Variants in DHRSX observed in about 807,000 individuals in gnomAD.
DHRSX encodes dehydrogenase/reductase X-linked, also known as polyprenol dehydrogenase.
DHRSX carries 31 observed loss-of-function variants against 34.0 expected under a neutral mutation model. That is an observed-to-expected ratio of 0.91 (90% CI 0.69 to 1.23). The LOEUF (loss-of-function observed/expected upper bound fraction) is 1.23. Ranked by LOEUF, DHRSX falls within the 50% of genes most tolerant of loss-of-function variation. The pLI, the probability that DHRSX is intolerant of heterozygous loss-of-function variation, is 0.00. For missense variants in DHRSX, 414 were observed against 428.1 expected (o/e 0.97, Z 0.29); for synonymous variants, 201 against 183.8 (o/e 1.09, Z -0.76).
intron 3 of DHRSX, among the ~76,000 whole-genome samples, chrX:2,309,846 G>A (rs1204938210): frequency 6.6e-6 from 1 of 152,160 alleles, no homozygotes; most frequent in East Asian, 1.9e-4. Context: ...ATAGGAGGTT[G>A]AGGCTGCAGT....
intron 3 of DHRSX, among the ~76,000 whole-genome samples, chrX:2,324,888 C>T (rs1469400924): frequency 1.3e-5 from 2 of 150,884 alleles, no homozygotes; most frequent in South Asian, 2.1e-4. Flanking sequence ...CCTGCCTCAG[C>T]CTCCTAAGTA....
At chrX:2,481,795 G>A (rs1432880440) in intron 1 of DHRSX, among the ~76,000 whole-genome samples, 1 of 150,044 alleles carries the variant, frequency 6.7e-6, no homozygotes, top group African/African-American at 2.5e-5. Flanking sequence ...TGCTCAGGAG[G>A]GTTGGTGAGA....
In DHRSX at chrX:2,328,627, A is replaced by G. The variant is rs768019969; in HGVS notation, c.287-37024T>C. The stretch of plus-strand genomic sequence containing the variant: ...AGGACACAGGGAGAAGACGGTGTCT[A>G]CAAGCCCAGCAGAGAGGCCTCAGGA... On this transcript the variant is annotated intron_variant, in intron 3 of 6. Transcript: ENST00000334651. Among the ~76,000 whole-genome samples, 325 of 149,098 alleles carry G rather than the reference A, an allele frequency of 2.2e-3. 2 individuals carry two copies. The highest frequency in any genetic ancestry group is 7.3e-3 in the African/African-American group (293 of 40,392).
chrX:2,324,057 G>GAAAAAAAAAAAAA (rs755736026), intron 3 of DHRSX, among the ~76,000 whole-genome samples: 1 of 143,004 alleles, frequency 7.0e-6, no homozygotes. Context: ...ACCCTGTCTG[G>GAAAAAAAAAAAAA]AAAAAAAAAA....
intron 5 of DHRSX, among the ~76,000 whole-genome samples, chrX:2,253,440 C>G (rs113253384): frequency 7.7e-5 from 6 of 77,484 alleles, no homozygotes; most frequent in African/African-American, 3.2e-4. Context: ...CAAGATGTCG[C>G]GGCCGCACTG....
In DHRSX at chrX:2,243,074, C is replaced by T. The variant is rs1287538034; in HGVS notation, c.753G>A (p.Val251=). The T allele has an allele frequency of 1.2e-6, 2 of 1,613,882 alleles. No homozygotes were observed. The highest frequency in any genetic ancestry group is 1.7e-6 in the Non-Finnish European group (2 of 1,179,836). The change falls in exon 6 of 7, where the codon GTG becomes GTA. Residue 251 remains valine, a synonymous_variant. Coordinates refer to ENST00000334651, the MANE Select transcript of DHRSX (RefSeq NM_145177.3). ...GVVNTDVYKH[V]FWATRLAKKL... ...TCTTCGCCAGACGGGTGGCCCAGAACACGTGCTTGTAGACGTCCGTGTTGA... is the reference window on the plus strand; with the variant it reads ...TCTTCGCCAGACGGGTGGCCCAGAATACGTGCTTGTAGACGTCCGTGTTGA...
chrX:2,458,081 G>C (rs186830495), intron 1 of DHRSX, among the ~76,000 whole-genome samples: 1 of 152,056 alleles, frequency 6.6e-6, no homozygotes, highest in African/African-American at 2.4e-5. Flanking sequence ...ACTAGGGACT[G>C]CCACCGTGTA....
chrX:2,476,254 C>T (rs183471321), intron 1 of DHRSX, among the ~76,000 whole-genome samples: 125 of 152,114 alleles, frequency 8.2e-4, no homozygotes, highest in African/African-American at 2.8e-3. Flanking sequence ...AAAAATTAGC[C>T]AGGCATGGTG....
At chrX:2,222,554 T>C (rs73626154) in intron 6 of DHRSX, among the ~76,000 whole-genome samples, 5,027 of 152,314 alleles carry the variant, frequency 0.033, 299 homozygotes, top group African/African-American at 0.11. Context: ...CTGGGAGTGA[T>C]GATCCATTTG....
At chrX:2,357,700 T>TAAAAAAAA (rs781233833) in intron 3 of DHRSX, among the ~76,000 whole-genome samples, 1 of 125,166 alleles carries the variant, frequency 8.0e-6, no homozygotes, top group Non-Finnish European at 1.7e-5. Flanking sequence ...CTCAGGAAAT[T>TAAAAAAAA]AAAAAAAAAA....
chrX:2,330,866 TAGA>T (rs1237425328), intron 3 of DHRSX, among the ~76,000 whole-genome samples: 2 of 151,894 alleles, frequency 1.3e-5, no homozygotes, highest in South Asian at 4.2e-4. Context: ...GAGGCCTCAG[TAGA>T]AGAAAAGAGA....
intron 3 of DHRSX, among the ~76,000 whole-genome samples, chrX:2,304,314 T>C (rs751977683): frequency 1.0e-4 from 13 of 126,398 alleles, no homozygotes; most frequent in South Asian, 4.6e-4. Context: ...GATGGATGAA[T>C]GGATGGATGG....
At chrX:2,465,088 T>C (rs1346362862) in intron 1 of DHRSX, among the ~76,000 whole-genome samples, 1 of 151,752 alleles carries the variant, frequency 6.6e-6, no homozygotes, top group Non-Finnish European at 1.5e-5. Context: ...ACTGAAGACG[T>C]TCCCTAAGCA....
intron 3 of DHRSX, among the ~76,000 whole-genome samples, chrX:2,398,705 T>C (rs1293625618): frequency 1.4e-5 from 2 of 147,122 alleles, no homozygotes; most frequent in Non-Finnish European, 3.0e-5. Context: ...ACTCTCGCTG[T>C]GTCACCTAGG....
chrX:2,270,181 G>A (rs934750814), intron 4 of DHRSX, among the ~76,000 whole-genome samples: 4 of 151,998 alleles, frequency 2.6e-5, no homozygotes, highest in African/African-American at 4.8e-5. Context: ...TTTTTGATGC[G>A]TGTGCATTTG....
chrX:2,467,430 C>T (rs2044513353), intron 1 of DHRSX, among the ~76,000 whole-genome samples: 1 of 152,184 alleles, frequency 6.6e-6, no homozygotes, highest in Non-Finnish European at 1.5e-5. Context: ...AGGAACGCGG[C>T]ACAGTCAGCT....
At chrX:2,484,240 T>C (rs2044823454) in intron 1 of DHRSX, among the ~76,000 whole-genome samples, 1 of 152,192 alleles carries the variant, frequency 6.6e-6, no homozygotes, top group Non-Finnish European at 1.5e-5. Context: ...CCCAAAGTGC[T>C]GGGATGACAG....
chrX:2,402,705 T>G (rs1367661204), intron 3 of DHRSX, among the ~76,000 whole-genome samples: 1 of 137,538 alleles, frequency 7.3e-6, no homozygotes, highest in Non-Finnish European at 1.6e-5. Flanking sequence ...CTTTTTTCTT[T>G]TAAAAAAAAA....
In DHRSX at chrX:2,431,242, G is replaced by A. The variant is rs192456007; in HGVS notation, c.110-5938C>T. 1.6e-3 allele frequency among the ~76,000 whole-genome samples: 245 copies of A among 150,822 alleles called. 1 individual carries two copies. Among genetic ancestry groups the A allele is most frequent in the African/African-American group, 5.7e-3 (234 of 41,012 alleles). ...CGGAAGGCTGAGGCAGGAGAATGGCGTGAACCTGGGAGGTAGAGCTTGCAG... is the reference window on the plus strand; with the variant it reads ...CGGAAGGCTGAGGCAGGAGAATGGCATGAACCTGGGAGGTAGAGCTTGCAG... On this transcript the variant is annotated intron_variant, in intron 1 of 6. Coordinates refer to ENST00000334651, the MANE Select transcript of DHRSX (RefSeq NM_145177.3).
Sources: gnomAD v4.1 joint callset for allele counts (sites outside exome capture counted in the v4.1 genomes callset) on GRCh38, gnomAD v4.1.1 for gene constraint, MANE v1.5 for transcripts, NCBI Gene and HGNC (gene_info 2026-07-23, HGNC 2026-07-21) for gene names.